The following ATXN7 variants were observed in gnomAD, a reference collection of about 807,000 sequenced individuals.
The protein encoded by ATXN7 is ataxin-7.
In ATXN7, 12 loss-of-function variants were observed where a neutral mutation model predicts 70.5. The ratio of observed to expected loss-of-function variants is 0.17; its 90% CI spans 0.11 to 0.28. The LOEUF is 0.28. Among genes scored for constraint, ATXN7 ranks in the 10% least tolerant of loss-of-function variants. ATXN7 has a pLI of 1.00. For missense variants in ATXN7, 1,256 were observed against 1,131.7 expected (o/e 1.11, Z -1.58); for synonymous variants, 498 against 448.7 (o/e 1.11, Z -1.39).
chr3:63,907,938 ATTT>A (rs1703896930), intron 2 of ATXN7, among the ~76,000 whole-genome samples: 1 of 151,852 alleles, frequency 6.6e-6, no homozygotes, highest in South Asian at 2.1e-4. Context: ...GTATTTTCAA[ATTT>A]TCTTCTCTTT....
At chr3:63,887,833 G>A (rs56110488) in intron 1 of ATXN7, among the ~76,000 whole-genome samples, 6,735 of 149,816 alleles carry the variant, frequency 0.045, 359 homozygotes, top group African/African-American at 0.13. Flanking sequence ...TCAGCTTCCC[G>A]AAGTGCTGGG....
At chr3:63,863,514 C>G (rs1431871431), upstream of ATXN7, 1 of 1,188,690 alleles carries the variant, frequency 8.4e-7, no homozygotes, top group Non-Finnish European at 1.0e-6. Context: ...CCTATAGCCC[C>G]GCGCTGCCTC....
At chr3:63,976,887 A>G (rs1348211254) in intron 5 of ATXN7, among the ~76,000 whole-genome samples, 1 of 152,240 alleles carries the variant, frequency 6.6e-6, no homozygotes, top group Non-Finnish European at 1.5e-5. Flanking sequence ...CAGTCTTACA[A>G]ATGTTAAATG....
chr3:63,892,662 C>T (rs113231045), intron 1 of ATXN7, among the ~76,000 whole-genome samples: 3,665 of 152,252 alleles, frequency 0.024, 58 homozygotes, highest in Middle Eastern at 0.048. Context: ...GGCCTAATTG[C>T]GGGTTCTTAG....
intron 4 of ATXN7, among the ~76,000 whole-genome samples, chr3:63,918,353 A>G (rs1447421800): frequency 6.6e-6 from 1 of 152,218 alleles, no homozygotes; most frequent in Non-Finnish European, 1.5e-5. Flanking sequence ...AAGGTACTAC[A>G]TTGTGGGTAT....
intron 4 of ATXN7, among the ~76,000 whole-genome samples, chr3:63,930,699 T>G (rs1465697674): frequency 1.3e-5 from 2 of 152,060 alleles, no homozygotes; most frequent in African/African-American, 4.8e-5. Flanking sequence ...CGGCTAATTT[T>G]TTTTGTATTT....
At chr3:63,883,445 T>C (rs938045095) in intron 1 of ATXN7, among the ~76,000 whole-genome samples, 1 of 152,098 alleles carries the variant, frequency 6.6e-6, no homozygotes, top group African/African-American at 2.4e-5. Flanking sequence ...AATTTAGTTA[T>C]CTCTAGAAAT....
At chr3:63,967,625 A>G (rs1227784388) in intron 5 of ATXN7, 3 of 446,038 alleles carry the variant, frequency 6.7e-6, no homozygotes, top group East Asian at 5.1e-5. Flanking sequence ...TTAGCAGGTT[A>G]AACTTATAAA....
chr3:63,979,817 T>C, intron 5 of ATXN7, 98 bp from the exon 6 acceptor site: 2 of 1,536,380 alleles, frequency 1.3e-6, no homozygotes, highest in East Asian at 4.5e-5. Flanking sequence ...ACGACACGTG[T>C]TTTAACCTGA....
intron 4 of ATXN7, among the ~76,000 whole-genome samples, chr3:63,949,508 C>T (rs1395346706): frequency 6.6e-6 from 1 of 152,102 alleles, no homozygotes; most frequent in Non-Finnish European, 1.5e-5. Flanking sequence ...AAGTGATTCT[C>T]CTGCCTCAGC....
At chr3:63,932,839 T>C (rs1199654129) in intron 4 of ATXN7, among the ~76,000 whole-genome samples, 1 of 152,214 alleles carries the variant, frequency 6.6e-6, no homozygotes, top group African/African-American at 2.4e-5. Context: ...TGCTCCTTGC[T>C]TTTTGTGTTC....
intron 6 of ATXN7, chr3:63,980,509 C>T (rs1489832539): frequency 8.7e-6 from 2 of 230,310 alleles, no homozygotes; most frequent in African/African-American, 2.2e-5. Context: ...AAGGAAGCTT[C>T]GTGAGGTGGG....
rs748109169 is a variant in ATXN7 at position 63,999,558 on chromosome 3, G to GA, written c.*92dup. On this transcript the variant is annotated 3_prime_UTR_variant, in exon 13 of 13. Coordinates refer to ENST00000674280, the MANE Select transcript of ATXN7 (RefSeq NM_001377405.1). ...GCACTCTGGACTCCACGATGCCTTTGAGTCTGTTTTCCCAACCTCCTGTGG... is the reference window on the plus strand; with the variant it reads ...GCACTCTGGACTCCACGATGCCTTTGAAGTCTGTTTTCCCAACCTCCTGTGG... The GA allele has an allele frequency of 6.8e-5, 107 of 1,583,820 alleles. No individual in the cohort carries two copies. The highest frequency in any genetic ancestry group is 8.7e-5 in the Non-Finnish European group (101 of 1,163,094).
At position 63,877,060 on chromosome 3, in the gene ATXN7, G is replaced by T. The variant is rs115536519; in HGVS notation, c.-111+12902G>T. 7.4e-3 allele frequency among the ~76,000 whole-genome samples: 1,131 copies of T among 152,054 alleles called. 15 individuals are homozygous for T. Among genetic ancestry groups the T allele is most frequent in the African/African-American group, 0.022 (903 of 41,486 alleles). Reference sequence around the variant, plus strand: ...ATTCTTGTTTTGCACATTTTGAATGGTTTTTTTAATTTAAGAGCAAAGTCC... The same window carrying T: ...ATTCTTGTTTTGCACATTTTGAATGTTTTTTTTAATTTAAGAGCAAAGTCC... On this transcript the variant is annotated intron_variant, in intron 1 of 12. Coordinates refer to ENST00000674280, the MANE Select transcript of ATXN7 (RefSeq NM_001377405.1).
intron 5 of ATXN7, among the ~76,000 whole-genome samples, chr3:63,979,692 C>T (rs370138981): frequency 6.6e-6 from 1 of 152,134 alleles, no homozygotes; most frequent in African/African-American, 2.4e-5. Context: ...TGATAAAACT[C>T]TTTATGCTGA....
chr3:63,899,995 G>A (rs1478772060), intron 2 of ATXN7, among the ~76,000 whole-genome samples: 2 of 152,194 alleles, frequency 1.3e-5, no homozygotes, highest in Non-Finnish European at 2.9e-5. Context: ...GCAGCAGGAG[G>A]ATGGTTTGAG....
intron 5 of ATXN7, 22 bp downstream of exon 5, chr3:63,952,505 A>C (rs758765055): frequency 1.3e-6 from 2 of 1,538,556 alleles, no homozygotes; most frequent in Non-Finnish European, 1.8e-6. Flanking sequence ...ACCATTTAAA[A>C]AATTGTTAAT....
intron 1 of ATXN7, among the ~76,000 whole-genome samples, chr3:63,872,688 A>G (rs1249287603): frequency 6.6e-6 from 1 of 152,232 alleles, no homozygotes; most frequent in African/African-American, 2.4e-5. Flanking sequence ...AGGATAGCCT[A>G]CAGGGAATTG....
intron 1 of ATXN7, among the ~76,000 whole-genome samples, chr3:63,880,923 G>A (rs567843756): frequency 7.2e-5 from 11 of 152,236 alleles, no homozygotes; most frequent in Middle Eastern, 3.4e-3. Flanking sequence ...TGAGCATGGC[G>A]CTCAATAGAT....
Sources: allele counts gnomAD v4.1 joint callset (sites outside exome capture counted in the v4.1 genomes callset), GRCh38; gene constraint gnomAD v4.1.1; transcripts MANE v1.5; gene names NCBI Gene and HGNC (gene_info 2026-07-23, HGNC 2026-07-21).